SFI1: variants seen among roughly 807,000 people sequenced by gnomAD.
The protein encoded by SFI1 is SFI1 centrin binding protein.
SFI1 carries 195 observed loss-of-function variants against 207.5 expected under a neutral mutation model. The ratio of observed to expected loss-of-function variants is 0.94; its 90% CI spans 0.84 to 1.06. The LOEUF is 1.06. SFI1 is among the 50% of genes least tolerant of loss of function. SFI1 has a pLI of 0.00. For synonymous variants in SFI1, 630 were observed against 598.9 expected, an observed-to-expected ratio of 1.05 and a Z score of -0.76; for missense variants, 1,634 against 1,588.0, an observed-to-expected ratio of 1.03 and a Z score of -0.49.
intron 23 of SFI1, 127 bp downstream of exon 23, chr22:31,611,430 G>A: frequency 8.1e-7 from 1 of 1,234,546 alleles, no homozygotes; most frequent in Non-Finnish European, 1.1e-6. Context: ...AGTGGTGGGT[G>A]GTTTGGGGTC....
rs751475211 is a variant in SFI1, at chr22:31,602,163, T to A, written c.1545-49T>A. The A allele has an allele frequency of 5.4e-6, 8 of 1,492,108 alleles. No individual in the cohort carries two copies. In the African/African-American group the frequency reaches 1.1e-4, roughly 21 times the overall value. 92.4% of individuals were successfully genotyped at this position (1,492,108 alleles called of 1,614,324 possible). ...TTGGAACTTCTAGTTCTGTTTGGGTTAATTTTTATGTTTGTTTTAAGTGCT... is the reference window on the plus strand; with the variant it reads ...TTGGAACTTCTAGTTCTGTTTGGGTAAATTTTTATGTTTGTTTTAAGTGCT... On this transcript the variant is annotated intron_variant, in intron 15 of 32. Transcript: ENST00000400288.
intron 2 of SFI1, among the ~76,000 whole-genome samples, chr22:31,513,601 A>C (rs907862169): frequency 1.6e-4 from 7 of 44,402 alleles, no homozygotes; most frequent in African/African-American, 7.3e-4. Flanking sequence ...TATTTTAGAC[A>C]GAGTCTTGCT....
chr22:31,615,147 A>G lies in SFI1; in HGVS notation c.3168A>G (p.Pro1056=). 3 of 1,607,736 alleles carry G rather than the reference A, an allele frequency of 1.9e-6. No homozygotes were observed. The highest frequency in any genetic ancestry group is 2.5e-6 in the Non-Finnish European group (3 of 1,177,626). ...FLAEAPTALV[P]HSPLPGALSS... is the part of the protein sequence containing the mutation. Reference sequence around the variant, plus strand: ...CAGAGGCCCCGACAGCACTGGTCCCACACAGCCCCCTGCCTGGGGCCCTGT... The same window carrying G: ...CAGAGGCCCCGACAGCACTGGTCCCGCACAGCCCCCTGCCTGGGGCCCTGT... Residue 1056 remains proline (P), a synonymous_variant, in exon 29 of 33, where the codon CCA becomes CCG. Transcript: ENST00000400288.
At chr22:31,592,719 T>C (rs1345511033) in intron 15 of SFI1, among the ~76,000 whole-genome samples, 2 of 55,142 alleles carry the variant, frequency 3.6e-5, no homozygotes, top group African/African-American at 1.8e-4. Flanking sequence ...GGCGGCTGGT[T>C]GGGCAGAGGG....
chr22:31,614,406 G>C (rs778971723), intron 27 of SFI1: 15 of 399,652 alleles, frequency 3.8e-5, no homozygotes, highest in Non-Finnish European at 6.3e-5. Flanking sequence ...GGGCCTCGGG[G>C]GAGATGTCAG....
intron 10 of SFI1, among the ~76,000 whole-genome samples, chr22:31,575,674 G>A (rs1451457131): frequency 1.3e-5 from 2 of 152,114 alleles, no homozygotes; most frequent in African/African-American, 4.8e-5. Flanking sequence ...CTCCCTGACT[G>A]CGTTCTTTTT....
At chr22:31,539,992 C>T (rs986565016) in intron 4 of SFI1, among the ~76,000 whole-genome samples, 1 of 151,940 alleles carries the variant, frequency 6.6e-6, no homozygotes, top group Non-Finnish European at 1.5e-5. Flanking sequence ...GCTGGGATTA[C>T]AGGTGTGAGC....
At chr22:31,590,091 A>C (rs2065639010) in intron 15 of SFI1, among the ~76,000 whole-genome samples, 1 of 151,730 alleles carries the variant, frequency 6.6e-6, no homozygotes, top group Non-Finnish European at 1.5e-5. Context: ...GCAGGCAGGC[A>C]GGAAGCAAAA....
chr22:31,556,850 G>A (rs911413498), intron 6 of SFI1, 92 bp from the exon 7 acceptor site: 1 of 778,962 alleles, frequency 1.3e-6, no homozygotes, highest in Non-Finnish European at 2.1e-6. Context: ...GAGGGATTTA[G>A]GTATTCAAAG....
chr22:31,522,039 A>G (rs903283035), intron 2 of SFI1, among the ~76,000 whole-genome samples: 9 of 146,890 alleles, frequency 6.1e-5, no homozygotes, highest in Non-Finnish European at 1.3e-4. Context: ...TGCTAGGATT[A>G]CAAGTGTGAG....
chr22:31,590,971 A>ATTTTTTTTTTTTTTTTTTTTTTTTT (rs1556252074), intron 15 of SFI1, among the ~76,000 whole-genome samples: 1 of 32,428 alleles, frequency 3.1e-5, no homozygotes, highest in Non-Finnish European at 7.9e-5. Context: ...TTATTTATTT[A>ATTTTTTTTTTTTTTTTTTTTTTTTT]TTTATTTATT....
intron 8 of SFI1, among the ~76,000 whole-genome samples, chr22:31,564,191 G>T (rs1161621006): frequency 6.6e-6 from 1 of 151,482 alleles, no homozygotes; most frequent in Non-Finnish European, 1.5e-5. Context: ...GCCGGGCGTG[G>T]TGGTGGGTGC....
chr22:31,561,318 C>A lies in SFI1; in HGVS notation c.691C>A (p.Leu231Ile), dbSNP rs909591956. The A allele has an allele frequency of 6.2e-7, 1 of 1,614,136 alleles. No individual in the cohort carries two copies. The highest frequency in any genetic ancestry group is 2.2e-5 in the East Asian group (1 of 44,886). Residue 231 changes from leucine to isoleucine, a missense_variant, in exon 8 of 33, where the codon CTA becomes ATA. Transcript: ENST00000400288. Reference sequence around the variant, plus strand: ...GTGGTGGAGCACGTGGAGGCAGCGACTAGGACAGGTCCGTGTGAGCCGTGC... The same window carrying A: ...GTGGTGGAGCACGTGGAGGCAGCGAATAGGACAGGTCCGTGTGAGCCGTGC... Reference protein sequence around the residue: ...RVWWSTWRQRLGQVRVSRALH... With the variant: ...RVWWSTWRQRIGQVRVSRALH...
intron 11 of SFI1, among the ~76,000 whole-genome samples, chr22:31,578,673 G>A (rs1424874394): frequency 2.0e-5 from 3 of 152,178 alleles, no homozygotes; most frequent in Non-Finnish European, 4.4e-5. Context: ...AGGAACCTCA[G>A]AGATTATTTA....
chr22:31,518,285 G>A (rs1047237332), intron 2 of SFI1, among the ~76,000 whole-genome samples: 2 of 152,142 alleles, frequency 1.3e-5, no homozygotes, highest in Non-Finnish European at 2.9e-5. Flanking sequence ...GTAAGCCACT[G>A]TGCCCAGCCC....
At chr22:31,560,230 T>C (rs1234471757) in intron 7 of SFI1, among the ~76,000 whole-genome samples, 2 of 151,498 alleles carry the variant, frequency 1.3e-5, no homozygotes, top group Non-Finnish European at 2.9e-5. Flanking sequence ...CCCATGACTC[T>C]TTTCCTAGAG....
intron 5 of SFI1, 101 bp from the exon 6 acceptor site, chr22:31,550,153 T>A (rs2060492309): frequency 1.3e-6 from 1 of 767,928 alleles, no homozygotes; most frequent in East Asian, 2.6e-5. Flanking sequence ...GGTCTTGAAC[T>A]CCTTGCCTTG....
At chr22:31,583,455 GATATCATTT>G (rs1358514923) in intron 12 of SFI1, among the ~76,000 whole-genome samples, 1 of 152,058 alleles carries the variant, frequency 6.6e-6, no homozygotes, top group Non-Finnish European at 1.5e-5. Flanking sequence ...GTTTCCTTTT[GATATCATTT>G]ATATCATTTA....
At chr22:31,543,268 A>G (rs2059748151) in intron 4 of SFI1, among the ~76,000 whole-genome samples, 1 of 152,054 alleles carries the variant, frequency 6.6e-6, no homozygotes, top group African/African-American at 2.4e-5. Flanking sequence ...ATTTTTTTAA[A>G]AAGATACCAT....
Sources: gnomAD v4.1 joint callset for allele counts (sites outside exome capture counted in the v4.1 genomes callset) on GRCh38, gnomAD v4.1.1 for gene constraint, MANE v1.5 for transcripts, NCBI Gene and HGNC (gene_info 2026-07-23, HGNC 2026-07-21) for gene names.